Variants in DNAH17 observed in about 807,000 individuals in gnomAD.
The protein encoded by DNAH17 is axonemal beta dynein heavy chain 17.
In DNAH17, 376 loss-of-function variants were observed where a neutral mutation model predicts 485.6. The observed-to-expected ratio is 0.77, with a 90% CI of 0.71 to 0.84. The LOEUF (loss-of-function observed/expected upper bound fraction) is 0.84, where lower values mean the gene tolerates loss of function less well. Ranked by LOEUF, DNAH17 falls within the 40% of genes least tolerant of loss-of-function variation. DNAH17 has a pLI of 0.00. For synonymous variants in DNAH17, 3,031 were observed against 2,405.9 expected, an observed-to-expected ratio of 1.26 and a Z score of -7.60; for missense variants, 6,370 against 5,839.3, an observed-to-expected ratio of 1.09 and a Z score of -2.96.
At chr17:78,469,285 G>C (rs1016207854) in intron 54 of DNAH17, among the ~76,000 whole-genome samples, 11 of 152,188 alleles carry the variant, frequency 7.2e-5, no homozygotes, top group Non-Finnish European at 1.2e-4. Flanking sequence ...GGGACTACAG[G>C]CACCCGCCAC....
rs961269344 is a variant in DNAH17, at chr17:78,460,247, T to C, written c.9350A>G (p.Glu3117Gly). The change falls in exon 59 of 81, where the codon GAG becomes GGG. Residue 3117 changes from glutamate (E) to glycine (G), a missense_variant. Transcript: ENST00000389840. Reference protein sequence around the residue: ...KVEVINKNVTEKQKACETDLA... With the variant: ...KVEVINKNVTGKQKACETDLA... ...GTCTGTTTCACAGGCCTTTTGCTTC[T>C]CAGTGACGTTCTGGAAGGAAGATGG... 5 of 1,600,158 alleles carry C rather than the reference T, an allele frequency of 3.1e-6. No homozygotes were observed. Among genetic ancestry groups the C allele is most frequent in the Admixed American group, 3.4e-5 (2 of 58,102 alleles).
chr17:78,450,370 C>T lies in DNAH17; in HGVS notation c.10924G>A (p.Val3642Ile), dbSNP rs776310068. ...EKVVEAKITE[V>I]KINEARENYR... ...TTCTCTCTCGCTTCGTTGATTTTAA[C>T]TTCTGTGATTTTTGCCTCCACCACC... The change falls in exon 68 of 81, where the codon GTT becomes ATT. Residue 3642 changes from valine to isoleucine, a missense_variant. Coordinates refer to ENST00000389840, the MANE Select transcript of DNAH17 (RefSeq NM_173628.4). The T allele has an allele frequency of 5.6e-6, 9 of 1,613,990 alleles. No homozygotes were observed. The highest frequency in any genetic ancestry group is 7.6e-6 in the Non-Finnish European group (9 of 1,179,886).
At position 78,476,597 on chromosome 17, in the gene DNAH17, A is replaced by T; in HGVS notation, c.8129T>A (p.Met2710Lys). The change falls in exon 52 of 81, where the codon ATG becomes AAG. Residue 2710 changes from methionine to lysine, a missense_variant. Physicochemically the swap from Met to Lys is moderately conservative, Grantham distance 95. Transcript: ENST00000389840. ...ATCAAAGAACTTCTTGGTGGAGGCC[A>T]TGGTGACTCTATGCAATGTTTCCTG... ...KDQETLHRVTMASTKKFFDDL... is the reference protein window; with the variant it reads ...KDQETLHRVTKASTKKFFDDL... 1 of 1,611,108 alleles carries T rather than the reference A, an allele frequency of 6.2e-7. No individual in the cohort carries two copies. The highest frequency in any genetic ancestry group is 8.5e-7 in the Non-Finnish European group (1 of 1,178,654).
chr17:78,492,855 G>GTTTTTTTGTTTT, intron 41 of DNAH17, 90 bp from the exon 42 acceptor site: 2 of 632,782 alleles, frequency 3.2e-6, no homozygotes, highest in Non-Finnish European at 2.2e-6. Flanking sequence ...GGCCTGGATG[G>GTTTTTTTGTTTT]TTTTTTTTTT....
intron 16 of DNAH17, among the ~76,000 whole-genome samples, chr17:78,550,332 C>T (rs1373303187): frequency 6.6e-6 from 1 of 152,306 alleles, no homozygotes; most frequent in East Asian, 1.9e-4. Context: ...GGAGGCAGAG[C>T]ACTGCCAGCC....
At chr17:78,517,745 C>T (rs982679392) in intron 25 of DNAH17, among the ~76,000 whole-genome samples, 3 of 152,224 alleles carry the variant, frequency 2.0e-5, no homozygotes, top group Non-Finnish European at 4.4e-5. Context: ...AAAAAGTTGT[C>T]AGTTCTTTCA....
intron 55 of DNAH17, 32 bp from the exon 56 acceptor site, chr17:78,466,848 C>T (rs776119708): frequency 3.3e-6 from 5 of 1,528,662 alleles, no homozygotes; most frequent in Non-Finnish European, 4.4e-6. Flanking sequence ...GCGCTGCCTA[C>T]TGGGACTGCA....
At position 78,561,947 on chromosome 17, in the gene DNAH17, G is replaced by T. The variant is rs113616418; in HGVS notation, c.1603C>A (p.Pro535Thr). The T allele has an allele frequency of 3.8e-4, 618 of 1,611,924 alleles. 4 individuals are homozygous for T. The African/African-American group carries it at 7.3e-3, about 19-fold the overall frequency. ...LYMCGGLMER[P>T]LILAEVAPRY... ...GGCGCCACCTCGGCAAGAATCAGGG[G>T]CCGCTCCATGAGGCCCCCACACATG... Residue 535 changes from proline to threonine, a missense_variant, in exon 12 of 81, where the codon CCC (proline) becomes ACC (threonine). By Grantham distance (38) the Pro-to-Thr change is conservative (BLOSUM62 -1). Transcript: ENST00000389840.
At chr17:78,561,634 C>CG (rs771738512) in intron 12 of DNAH17, 81 bp downstream of exon 12, 2 of 1,453,446 alleles carry the variant, frequency 1.4e-6, no homozygotes, top group Non-Finnish European at 9.1e-7. Flanking sequence ...GGGGTGGTCC[C>CG]GCTCGGGGTT....
At chr17:78,524,721 TGAGA>T (rs147834731) in intron 25 of DNAH17, among the ~76,000 whole-genome samples, 9,207 of 149,640 alleles carry the variant, frequency 0.062, 376 homozygotes, top group South Asian at 0.13. Context: ...AGGTGAGATG[TGAGA>T]GAGAATGAGA....
intron 24 of DNAH17, among the ~76,000 whole-genome samples, chr17:78,526,164 C>A (rs767696258): frequency 2.0e-5 from 3 of 152,194 alleles, no homozygotes; most frequent in African/African-American, 7.2e-5. Flanking sequence ...GTGCACTGGA[C>A]GTGACCATGA....
intron 71 of DNAH17, 79 bp from the exon 72 acceptor site, chr17:78,441,278 A>C: frequency 6.5e-7 from 1 of 1,532,972 alleles, no homozygotes; most frequent in Non-Finnish European, 8.8e-7. Context: ...GCTGTGGCCC[A>C]GGCAGGGGGG....
rs371312410 is a variant in DNAH17 at position 78,424,094 on chromosome 17, G to A, written c.13201C>T (p.Pro4401Ser). ...IAEARLKELTPAMPVIFIKAI... is the reference protein window; with the variant it reads ...IAEARLKELTSAMPVIFIKAI... Reference sequence around the variant, plus strand: ...TTGATGAAGATGACAGGCATGGCCGGGGTCAGCTCTTTCAGCCGCGCTTCA... The same window carrying A: ...TTGATGAAGATGACAGGCATGGCCGAGGTCAGCTCTTTCAGCCGCGCTTCA... The change falls in exon 81 of 81, where the codon CCG (proline) becomes TCG (serine). Residue 4401 changes from proline (P) to serine (S), a missense_variant. Transcript: ENST00000389840. 2.5e-6 allele frequency: 4 copies of A among 1,613,826 alleles called. No individual in the cohort carries two copies. Among genetic ancestry groups the A allele is most frequent in the East Asian group, 2.2e-5 (1 of 44,896 alleles).
In DNAH17 at chr17:78,463,039, G is replaced by A. The variant is rs374464486; in HGVS notation, c.8979C>T (p.Tyr2993=). ...VKASISFFMS[Y]VHTTVNEMSR... The stretch of plus-strand genomic sequence containing the variant: ...ACATCTCGTTGACGGTGGTGTGCAC[G>A]TAGGACATGAAGAAGCTGATGGAGG... The change falls in exon 57 of 81, where the codon TAC becomes TAT. Residue 2993 remains tyrosine (Y), a synonymous_variant. Coordinates refer to ENST00000389840, the MANE Select transcript of DNAH17 (RefSeq NM_173628.4). 3.3e-5 allele frequency: 53 copies of A among 1,613,928 alleles called. No individual in the cohort carries two copies. The East Asian group carries it at 3.3e-4, about 10-fold the overall frequency.
At chr17:78,550,592 A>T (rs1405209063) in intron 16 of DNAH17, among the ~76,000 whole-genome samples, 2 of 152,194 alleles carry the variant, frequency 1.3e-5, no homozygotes, top group Non-Finnish European at 2.9e-5. Context: ...CAGGGAGAAG[A>T]CAGCATCTAT....
chr17:78,438,655 C>T (rs911192879), intron 73 of DNAH17, among the ~76,000 whole-genome samples: 1 of 151,162 alleles, frequency 6.6e-6, no homozygotes, highest in African/African-American at 2.4e-5. Flanking sequence ...TGTGCCAGCA[C>T]ACTTGGCTAA....
intron 11 of DNAH17, among the ~76,000 whole-genome samples, chr17:78,562,448 A>G (rs949436056): frequency 2.6e-5 from 4 of 152,078 alleles, no homozygotes; most frequent in African/African-American, 4.8e-5. Context: ...AATACAAAGA[A>G]TACATGAAAC....
intron 77 of DNAH17, chr17:78,428,247 GTGGAGGGCTGGGATGCTCTTGGAGCCGCA>G (rs2086547415): frequency 4.1e-6 from 2 of 487,882 alleles, no homozygotes; most frequent in Non-Finnish European, 3.8e-6. Context: ...AGACTGCAGG[GTGGAGGGCTGGGATGCTCTTGGAGCCGCA>G]TCCACACCCC....
At chr17:78,468,526 C>T (rs1342715474) in intron 55 of DNAH17, 91 bp downstream of exon 55, 1 of 1,423,840 alleles carries the variant, frequency 7.0e-7, no homozygotes. Context: ...AGGATCAGTC[C>T]TCCTGCTCTA....
Sources: gnomAD v4.1 joint callset for allele counts (sites outside exome capture counted in the v4.1 genomes callset) on GRCh38, gnomAD v4.1.1 for gene constraint, MANE v1.5 for transcripts, NCBI Gene and HGNC (gene_info 2026-07-23, HGNC 2026-07-21) for gene names.